C2CD4A: variants seen among roughly 807,000 people sequenced by gnomAD.
C2CD4A encodes C2 calcium dependent domain containing 4A, also known as C2 calcium-dependent domain-containing protein 4A.
Under a neutral mutation model 0.4 loss-of-function variants are expected in C2CD4A, and 2 were observed. The observed-to-expected ratio is 4.45, with a 90% CI of 1.82 to 13.99. The LOEUF is 13.99. Among genes scored for constraint, C2CD4A ranks in the 30% most tolerant of loss-of-function variants. C2CD4A has a pLI of 0.04. For missense variants in C2CD4A, 610 were observed against 574.2 expected, an observed-to-expected ratio of 1.06 and a Z score of -0.64; for synonymous variants, 297 against 280.8, an observed-to-expected ratio of 1.06 and a Z score of -0.58.
Position 62,068,347 on chromosome 15 carries a change from AG to A in C2CD4A, c.737del (p.Gly246AlafsTer141). 1.4e-6 allele frequency: 2 copies of A among 1,407,602 alleles called. No homozygotes were observed. Among genetic ancestry groups the A allele is most frequent in the Non-Finnish European group, 1.8e-6 (2 of 1,081,550 alleles). 87.2% of individuals were successfully genotyped at this position (1,407,602 alleles called of 1,614,324 possible). A position where few individuals can be genotyped will look rare whatever the true frequency, so the allele number is the denominator to read the frequency against. On this transcript the variant is annotated frameshift_variant, in exon 2 of 2. Transcript: ENST00000355522. ...CCGTTTCCCGAGCGCCTGGAGGCCG[AG>A]GGCACCGTGGCTCTGGGCCGCGCCG... ...RVPFPERLEA[E>X]GTVALGRAGD...
Position 62,070,142 on chromosome 15 carries a change from T to C in C2CD4A, c.*1419T>C. The C allele has an allele frequency of 2.5e-6, 1 of 402,248 alleles. No homozygotes were observed. 24.9% of individuals were successfully genotyped at this position (402,248 alleles called of 1,614,324 possible). On this transcript the variant is annotated 3_prime_UTR_variant, in exon 2 of 2. Transcript: ENST00000355522. ...TAGAGGACGATTTTCCCTCATCCCT[T>C]GAATTCACTGCCAGCAGGGCATTTT...
chr15:62,068,371 C>A lies in C2CD4A; in HGVS notation c.758C>A (p.Ala253Asp). 1 of 1,360,972 alleles carries A rather than the reference C, an allele frequency of 7.3e-7. No homozygotes were observed. Among genetic ancestry groups the A allele is most frequent in the Non-Finnish European group, 9.4e-7 (1 of 1,062,172 alleles). The allele number at this position is 1,360,972 out of a possible 1,614,324, so 84.3% of individuals were successfully genotyped here. A position where few individuals can be genotyped will look rare whatever the true frequency, so the allele number is the denominator to read the frequency against. ...EAEGTVALGR[A>D]GDALRLAAEY... is the part of the protein sequence containing the mutation. The stretch of plus-strand genomic sequence containing the variant: ...GAGGGCACCGTGGCTCTGGGCCGCG[C>A]CGGCGACGCCCTGCGCCTGGCCGCC... Residue 253 changes from alanine (A) to aspartate (D), a missense_variant, in exon 2 of 2, where the codon GCC becomes GAC. Transcript: ENST00000355522.
chr15:62,070,851 A>G lies in C2CD4A; in HGVS notation c.*2128A>G, dbSNP rs1244601063. 1 of 237,994 alleles carries G rather than the reference A, an allele frequency of 4.2e-6. No homozygotes were observed. The highest frequency in any genetic ancestry group is 8.6e-6 in the Non-Finnish European group (1 of 116,796). The allele number at this position is 237,994 out of a possible 1,614,324, so 14.7% of individuals were successfully genotyped here. A position where few individuals can be genotyped will look rare whatever the true frequency, so the allele number is the denominator to read the frequency against. On this transcript the variant is annotated 3_prime_UTR_variant, in exon 2 of 2. Transcript: ENST00000355522. Reference sequence around the variant, plus strand: ...TTCTTCATGATTTTGAAATTTTGATAGGGTAACTGCTAATGAGTTCACAAA... The same window carrying G: ...TTCTTCATGATTTTGAAATTTTGATGGGGTAACTGCTAATGAGTTCACAAA...
At position 62,068,324 on chromosome 15, in the gene C2CD4A, GT is replaced by G; in HGVS notation, c.714del (p.Glu240SerfsTer147). 2 of 1,415,994 alleles carry G rather than the reference GT, an allele frequency of 1.4e-6. No individual in the cohort carries two copies. The highest frequency in any genetic ancestry group is 1.4e-5 in the South Asian group (1 of 69,630). 87.7% of individuals were successfully genotyped at this position (1,415,994 alleles called of 1,614,324 possible). ...STSPPSSRVP[F>X]PERLEAEGTV... ...CGAGCCCGCCGTCGTCCCGGGTCCC[GT>G]TTCCCGAGCGCCTGGAGGCCGAGGG... On this transcript the variant is annotated frameshift_variant, in exon 2 of 2. Transcript: ENST00000355522.
At position 62,068,277 on chromosome 15, in the gene C2CD4A, TC is replaced by T. The variant is rs1256013830; in HGVS notation, c.668del (p.Pro223ArgfsTer164). On this transcript the variant is annotated frameshift_variant, in exon 2 of 2. Coordinates refer to ENST00000355522, the MANE Select transcript of C2CD4A (RefSeq NM_207322.3). ...CAAGGAGCGCCGCGCGGGCTCCCAGTCCCCGGCCCGGGCCCCCTCCACGAGC... is the reference window on the plus strand; with the variant it reads ...CAAGGAGCGCCGCGCGGGCTCCCAGTCCCGGCCCGGGCCCCCTCCACGAGC... ...EDKERRAGSQ[S>X]PARAPSTSPP... The T allele has an allele frequency of 4.3e-6, 6 of 1,386,150 alleles. No homozygotes were observed. The highest frequency in any genetic ancestry group is 3.1e-5 in the Admixed American group (1 of 32,634). 85.9% of individuals were successfully genotyped at this position (1,386,150 alleles called of 1,614,324 possible). A position where few individuals can be genotyped will look rare whatever the true frequency, so the allele number is the denominator to read the frequency against.
Position 62,068,926 on chromosome 15 carries a change from G to A in C2CD4A, c.*203G>A. 1.6e-6 allele frequency: 1 copy of A among 643,426 alleles called. No homozygotes were observed. Among genetic ancestry groups the A allele is most frequent in the Non-Finnish European group, 2.4e-6 (1 of 413,368 alleles). The allele number at this position is 643,426 out of a possible 1,614,324, so 39.9% of individuals were successfully genotyped here. A position where few individuals can be genotyped will look rare whatever the true frequency, so the allele number is the denominator to read the frequency against. The stretch of plus-strand genomic sequence containing the variant: ...AGAATTTTTTTCAGCAAATGGAATG[G>A]TTCTACAGTGTTTCCCAATATAGAC... On this transcript the variant is annotated 3_prime_UTR_variant, in exon 2 of 2. Coordinates refer to ENST00000355522, the MANE Select transcript of C2CD4A (RefSeq NM_207322.3).
Position 62,067,862 on chromosome 15 carries a change from G to A in C2CD4A, c.249G>A (p.Trp83Ter). ...GMDEGAGRTD[W>*]DPRSQAALSL... ...ACGAGGGCGCCGGCCGCACAGACTGGGACCCGCGCTCGCAGGCCGCGCTGT... is the reference window on the plus strand; with the variant it reads ...ACGAGGGCGCCGGCCGCACAGACTGAGACCCGCGCTCGCAGGCCGCGCTGT... Residue 83 changes from tryptophan to a stop codon, truncating the protein, a stop_gained, in exon 2 of 2, where the codon TGG becomes TGA. Coordinates refer to ENST00000355522, the MANE Select transcript of C2CD4A (RefSeq NM_207322.3). LOFTEE classifies it low-confidence loss of function (END_TRUNC). 6.2e-7 allele frequency: 1 copy of A among 1,608,456 alleles called. No individual in the cohort carries two copies. The highest frequency in any genetic ancestry group is 1.1e-5 in the South Asian group (1 of 90,840).
rs759623137 is a variant in C2CD4A, at chr15:62,067,847, C to G, written c.234C>G (p.Ala78=). 14 of 1,609,614 alleles carry G rather than the reference C, an allele frequency of 8.7e-6. No individual in the cohort carries two copies. Among genetic ancestry groups the G allele is most frequent in the Non-Finnish European group, 1.2e-5 (14 of 1,179,624 alleles). Residue 78 remains alanine, a synonymous_variant, in exon 2 of 2, where the codon GCC becomes GCG. Coordinates refer to ENST00000355522, the MANE Select transcript of C2CD4A (RefSeq NM_207322.3). ...AAGAAGCAGGGATGGACGAGGGCGC[C>G]GGCCGCACAGACTGGGACCCGCGCT... ...WVEEAGMDEG[A]GRTDWDPRSQ...
chr15:62,068,414 CG>C lies in C2CD4A; in HGVS notation c.804del (p.Arg269GlyfsTer118). 7.1e-7 allele frequency: 1 copy of C among 1,399,204 alleles called. No individual in the cohort carries two copies. The highest frequency in any genetic ancestry group is 9.2e-7 in the Non-Finnish European group (1 of 1,086,320). 86.7% of individuals were successfully genotyped at this position (1,399,204 alleles called of 1,614,324 possible). ...RLAAEYCPGT[G>X]RLRLRLLRAE... ...TGGCCGCCGAGTACTGTCCGGGAACCGGGCGGCTCCGCCTCCGGCTGCTCCG... is the reference window on the plus strand; with the variant it reads ...TGGCCGCCGAGTACTGTCCGGGAACCGGCGGCTCCGCCTCCGGCTGCTCCG... On this transcript the variant is annotated frameshift_variant, in exon 2 of 2. Coordinates refer to ENST00000355522, the MANE Select transcript of C2CD4A (RefSeq NM_207322.3).
rs1396924894 is a variant in C2CD4A, at chr15:62,070,592, T to C, written c.*1869T>C. 7.3e-6 allele frequency: 3 copies of C among 413,284 alleles called. No homozygotes were observed. The highest frequency in any genetic ancestry group is 2.1e-5 in the African/African-American group (1 of 48,654). The allele number at this position is 413,284 out of a possible 1,614,324, so 25.6% of individuals were successfully genotyped here. On this transcript the variant is annotated 3_prime_UTR_variant, in exon 2 of 2. Transcript: ENST00000355522. ...TTCGAAGAAAAAAGAAAAGAGTTTC[T>C]GTTTCAGTCACAAATTAGGGTTATT...
rs919547721 is a variant in C2CD4A at position 62,069,973 on chromosome 15, A to T, written c.*1250A>T. The T allele has an allele frequency of 1.5e-5, 3 of 205,048 alleles. No individual in the cohort carries two copies. The highest frequency in any genetic ancestry group is 3.2e-5 in the Non-Finnish European group (3 of 94,296). The allele number at this position is 205,048 out of a possible 1,614,324, so 12.7% of individuals were successfully genotyped here. ...GTCTAAAGCTCTGAGGAGGAAGCTA[A>T]CCGGCCTCAGAATCATAGAAATGGG... On this transcript the variant is annotated 3_prime_UTR_variant, in exon 2 of 2. Transcript: ENST00000355522.
rs1476392155 is a variant in C2CD4A, at chr15:62,069,986, T to C, written c.*1263T>C. The C allele has an allele frequency of 4.6e-6, 1 of 217,468 alleles. No individual in the cohort carries two copies. Among genetic ancestry groups the C allele is most frequent in the East Asian group, 1.1e-4 (1 of 8,846 alleles). The allele number at this position is 217,468 out of a possible 1,614,324, so 13.5% of individuals were successfully genotyped here. On this transcript the variant is annotated 3_prime_UTR_variant, in exon 2 of 2. Transcript: ENST00000355522. ...AGGAGGAAGCTAACCGGCCTCAGAA[T>C]CATAGAAATGGGTGCCAGCCTTGTT...
intron 1 of C2CD4A, among the ~76,000 whole-genome samples, 163 bp downstream of exon 1, chr15:62,067,251 C>T (rs1424623973): frequency 6.6e-6 from 1 of 152,180 alleles, no homozygotes. Flanking sequence ...AGTCAGGAAA[C>T]GATTGCAAGG....
Position 62,068,755 on chromosome 15 carries a change from G to A in C2CD4A, c.*32G>A. On this transcript the variant is annotated 3_prime_UTR_variant, in exon 2 of 2. Coordinates refer to ENST00000355522, the MANE Select transcript of C2CD4A (RefSeq NM_207322.3). Reference sequence around the variant, plus strand: ...AGCCCTCCCCGGGGCGCTCTGCCCGGGGGACTCCGGACACTGACAGCCGCG... The same window carrying A: ...AGCCCTCCCCGGGGCGCTCTGCCCGAGGGACTCCGGACACTGACAGCCGCG... 7.0e-7 allele frequency: 1 copy of A among 1,437,110 alleles called. No individual in the cohort carries two copies. Among genetic ancestry groups the A allele is most frequent in the Non-Finnish European group, 9.2e-7 (1 of 1,092,888 alleles). 89.0% of individuals were successfully genotyped at this position (1,437,110 alleles called of 1,614,324 possible).
Position 62,068,907 on chromosome 15 carries a change from T to A in C2CD4A, c.*184T>A, listed in dbSNP as rs60854061. The A allele has an allele frequency of 1.1e-6, 1 of 896,966 alleles. No homozygotes were observed. Among genetic ancestry groups the A allele is most frequent in the Non-Finnish European group, 1.6e-6 (1 of 636,362 alleles). The allele number at this position is 896,966 out of a possible 1,614,324, so 55.6% of individuals were successfully genotyped here. On this transcript the variant is annotated 3_prime_UTR_variant, in exon 2 of 2. Transcript: ENST00000355522. Reference sequence around the variant, plus strand: ...ATTTTCCATAGATACCTCCAGAATTTTTTTCAGCAAATGGAATGGTTCTAC... The same window carrying A: ...ATTTTCCATAGATACCTCCAGAATTATTTTCAGCAAATGGAATGGTTCTAC...
In C2CD4A at chr15:62,067,802, G is replaced by T. The variant is rs1477313770; in HGVS notation, c.189G>T (p.Ala63=). ...PRLMPRLALA[A]LRNSWVEEAG... ...TCATGCCCCGCCTGGCCTTGGCTGC[G>T]CTCCGGAATTCTTGGGTCGAAGAAG... Residue 63 remains alanine, a synonymous_variant, in exon 2 of 2, where the codon GCG becomes GCT. Coordinates refer to ENST00000355522, the MANE Select transcript of C2CD4A (RefSeq NM_207322.3). 1 of 1,612,340 alleles carries T rather than the reference G, an allele frequency of 6.2e-7. No individual in the cohort carries two copies.
Position 62,068,586 on chromosome 15 carries a change from T to G in C2CD4A, c.973T>G (p.Cys325Gly), listed in dbSNP as rs759089506. 23 of 1,572,666 alleles carry G rather than the reference T, an allele frequency of 1.5e-5. No homozygotes were observed. In the East Asian group the frequency reaches 5.1e-4, roughly 35 times the overall value. Residue 325 changes from cysteine to glycine, a missense_variant, in exon 2 of 2, where the codon TGC becomes GGC. Cys to Gly is a radical substitution (Grantham distance 159, BLOSUM62 -3). Transcript: ENST00000355522. ...SRKASFDQDF[C>G]FDGLSEDEVR... ...CAAGGCCTCCTTTGACCAGGACTTC[T>G]GCTTCGACGGCCTCTCGGAGGACGA...
chr15:62,066,986 G>T lies in C2CD4A; in HGVS notation c.-132G>T, dbSNP rs1441885551. 1 of 152,514 alleles carries T rather than the reference G, an allele frequency of 6.6e-6. No homozygotes were observed. The highest frequency in any genetic ancestry group is 2.4e-5 in the African/African-American group (1 of 41,464). 9.4% of individuals were successfully genotyped at this position (152,514 alleles called of 1,614,324 possible). ...CTGGCAGTCCTTGAACACTGGTGCTGAACCCCGCCGCGCGCGCTTTGAATT... is the reference window on the plus strand; with the variant it reads ...CTGGCAGTCCTTGAACACTGGTGCTTAACCCCGCCGCGCGCGCTTTGAATT... On this transcript the variant is annotated 5_prime_UTR_variant, in exon 1 of 2. Coordinates refer to ENST00000355522, the MANE Select transcript of C2CD4A (RefSeq NM_207322.3).
chr15:62,067,613 G>T lies in C2CD4A; in HGVS notation c.-1G>T. On this transcript the variant is annotated 5_prime_UTR_variant, in exon 2 of 2. Coordinates refer to ENST00000355522, the MANE Select transcript of C2CD4A (RefSeq NM_207322.3). ...GACAAGCTCCAGCAGAGAGTGGCCA[G>T]ATGTGGTGCCTGGAGCGACTCCGCT... 6.3e-7 allele frequency: 1 copy of T among 1,585,878 alleles called. No individual in the cohort carries two copies.
Sources: gnomAD v4.1 joint callset for allele counts (sites outside exome capture counted in the v4.1 genomes callset) on GRCh38, gnomAD v4.1.1 for gene constraint, MANE v1.5 for transcripts, NCBI Gene and HGNC (gene_info 2026-07-23, HGNC 2026-07-21) for gene names.